VRK2: variants seen among roughly 807,000 people sequenced by gnomAD.
VRK2 encodes serine/threonine-protein kinase VRK2.
Under a neutral mutation model 57.6 loss-of-function variants are expected in VRK2, and 60 were observed. That is an observed-to-expected ratio of 1.04 (90% CI 0.85 to 1.29). VRK2 has a LOEUF of 1.29. Ranked by LOEUF, VRK2 falls within the 50% of genes most tolerant of loss-of-function variation. The probability of loss-of-function intolerance (pLI) is 0.00; values close to 1 mark genes in which losing one functional copy is unlikely to be tolerated. For missense variants in VRK2, 705 were observed against 588.1 expected (o/e 1.20, Z -2.06); for synonymous variants, 231 against 199.2 (o/e 1.16, Z -1.35).
intron 7 of VRK2, 76 bp downstream of exon 7, chr2:58,089,799 C>T (rs903035388): frequency 1.0e-6 from 1 of 1,004,862 alleles, no homozygotes; most frequent in African/African-American, 1.6e-5. Flanking sequence ...AACTTCTAAC[C>T]CAGAAGAGTT....
intron 1 of VRK2, among the ~76,000 whole-genome samples, chr2:57,949,070 T>TG (rs2103972574): frequency 3.4e-5 from 1 of 29,366 alleles, no homozygotes; most frequent in African/African-American, 4.4e-4. Flanking sequence ...GGAGTGGTGG[T>TG]GGGGGACAGG....
chr2:57,934,426 C>A (rs143541152), intron 1 of VRK2, among the ~76,000 whole-genome samples: 15 of 152,294 alleles, frequency 9.8e-5, no homozygotes, highest in African/African-American at 3.1e-4. Context: ...TCTCTCCTCA[C>A]CTGTGACAAA....
chr2:58,131,828 G>A lies in VRK2; in HGVS notation c.697G>A (p.Val233Ile), dbSNP rs144319023. 4.3e-5 allele frequency: 70 copies of A among 1,613,310 alleles called. No homozygotes were observed. The African/African-American group carries it at 6.0e-4, about 14-fold the overall frequency. ...TATAGCCTTGTCCAGACGAAGTGACGTTGAGATCCTCGGCTACTGCATGCT... is the reference window on the plus strand; with the variant it reads ...TATAGCCTTGTCCAGACGAAGTGACATTGAGATCCTCGGCTACTGCATGCT... The part of the protein sequence containing the change: ...KGVALSRRSD[V>I]EILGYCMLRW... Residue 233 changes from valine to isoleucine, a missense_variant, in exon 9 of 13, where the codon GTT becomes ATT. Val to Ile is a conservative substitution (Grantham distance 29). Coordinates refer to ENST00000340157, the MANE Select transcript of VRK2 (RefSeq NM_006296.7).
At chr2:58,102,041 T>C (rs1573106742) in intron 7 of VRK2, among the ~76,000 whole-genome samples, 1 of 151,702 alleles carries the variant, frequency 6.6e-6, no homozygotes, top group Non-Finnish European at 1.5e-5. Flanking sequence ...CTAAGTCATT[T>C]GTAGATTTCT....
chr2:57,946,304 G>C (rs1671258680), intron 1 of VRK2, among the ~76,000 whole-genome samples: 1 of 151,714 alleles, frequency 6.6e-6, no homozygotes, highest in Non-Finnish European at 1.5e-5. Flanking sequence ...GAACAACTCA[G>C]GACAACTGTC....
At chr2:58,055,370 T>C (rs1676365576) in intron 2 of VRK2, among the ~76,000 whole-genome samples, 2 of 152,210 alleles carry the variant, frequency 1.3e-5, no homozygotes, top group South Asian at 4.1e-4. Flanking sequence ...CTTTTTGTGC[T>C]TAAGGTTAAA....
At chr2:57,959,738 T>C (rs1333864883) in intron 1 of VRK2, among the ~76,000 whole-genome samples, 1 of 152,196 alleles carries the variant, frequency 6.6e-6, no homozygotes, top group African/African-American at 2.4e-5. Flanking sequence ...GGCAGGTCCC[T>C]ACCAGGCCTT....
intron 7 of VRK2, among the ~76,000 whole-genome samples, chr2:58,120,691 G>C (rs974001066): frequency 6.6e-6 from 1 of 152,086 alleles, no homozygotes; most frequent in African/African-American, 2.4e-5. Flanking sequence ...AAGAATACTT[G>C]AAATTAAAAA....
At chr2:57,971,982 T>C (rs1672111069) in intron 1 of VRK2, among the ~76,000 whole-genome samples, 1 of 151,942 alleles carries the variant, frequency 6.6e-6, no homozygotes, top group African/African-American at 2.4e-5. Flanking sequence ...CTAATTACAT[T>C]GAATTGTCTT....
At chr2:58,136,003 ACTTCTG>A (rs543456309) in intron 10 of VRK2, among the ~76,000 whole-genome samples, 122 of 152,272 alleles carry the variant, frequency 8.0e-4, no homozygotes, top group Middle Eastern at 6.8e-3. Flanking sequence ...CTTTGAGCTG[ACTTCTG>A]AAAGTAGATA....
chr2:58,069,615 T>G (rs996646229), intron 2 of VRK2, among the ~76,000 whole-genome samples: 2 of 152,168 alleles, frequency 1.3e-5, no homozygotes, highest in African/African-American at 4.8e-5. Flanking sequence ...CTCATTTGAT[T>G]GGAGAGGAAA....
At chr2:58,107,874 G>A (rs1329190029) in intron 7 of VRK2, among the ~76,000 whole-genome samples, 3 of 152,016 alleles carry the variant, frequency 2.0e-5, no homozygotes, top group Non-Finnish European at 2.9e-5. Flanking sequence ...TTATATCAAC[G>A]TCGTATCAAG....
At chr2:58,139,944 T>G (rs1454260862) in intron 11 of VRK2, 112 bp downstream of exon 11, 6 of 1,160,208 alleles carry the variant, frequency 5.2e-6, no homozygotes, top group Non-Finnish European at 7.1e-6. Flanking sequence ...TTCCTTATAT[T>G]TAACTCCCAT....
At chr2:58,097,714 C>G (rs574049182) in intron 7 of VRK2, among the ~76,000 whole-genome samples, 2 of 152,088 alleles carry the variant, frequency 1.3e-5, no homozygotes, top group African/African-American at 4.8e-5. Flanking sequence ...CAACACATTA[C>G]TCATGTGTTT....
rs1344632310 is a variant in VRK2 at position 57,948,474 on chromosome 2, G to A, written c.-439+40635G>A. Among the ~76,000 whole-genome samples, 5 of 152,100 alleles carry A rather than the reference G, an allele frequency of 3.3e-5. No homozygotes were observed. The East Asian group carries it at 9.6e-4, about 29-fold the overall frequency. On this transcript the variant is annotated intron_variant, in intron 1 of 15. Transcript: ENST00000417641. ...TTTTTAGCTGTATCCAGTTCTGCAG[G>A]CATGTATATTTAGTTCCTGATAATA...
Position 58,159,407 on chromosome 2 carries a change from AC to A in VRK2, c.1242del (p.Asn414LysfsTer51). 1 of 1,613,564 alleles carries A rather than the reference AC, an allele frequency of 6.2e-7. No individual in the cohort carries two copies. The highest frequency in any genetic ancestry group is 8.5e-7 in the Non-Finnish European group (1 of 1,179,706). On this transcript the variant is annotated frameshift_variant, in exon 13 of 13. Coordinates refer to ENST00000340157, the MANE Select transcript of VRK2 (RefSeq NM_006296.7). LOFTEE classifies it low-confidence loss of function (END_TRUNC). ...TCTCAAGAACCTTTGAATGAAGTAAACAGTTTCCCACAAAAAATCAGCTATA... is the reference window on the plus strand; with the variant it reads ...TCTCAAGAACCTTTGAATGAAGTAAAAGTTTCCCACAAAAAATCAGCTATA... ...QESQEPLNEV[N>X]SFPQKISYTQ...
At chr2:57,936,066 C>T (rs1425260996) in intron 1 of VRK2, among the ~76,000 whole-genome samples, 3 of 152,106 alleles carry the variant, frequency 2.0e-5, no homozygotes, top group African/African-American at 7.2e-5. Flanking sequence ...GCTTATGTAG[C>T]TCCCATCATC....
At chr2:58,007,723 A>G (rs571917130) in intron 1 of VRK2, among the ~76,000 whole-genome samples, 1 of 152,260 alleles carries the variant, frequency 6.6e-6, no homozygotes. Flanking sequence ...CAGATTTTCT[A>G]CTGTGCAGGG....
At chr2:58,077,488 CA>C (rs1181582604) in intron 2 of VRK2, among the ~76,000 whole-genome samples, 1 of 151,888 alleles carries the variant, frequency 6.6e-6, no homozygotes, top group Non-Finnish European at 1.5e-5. Flanking sequence ...GACTAGGCTG[CA>C]AAGAACCTAT....
Sources: allele counts gnomAD v4.1 joint callset (sites outside exome capture counted in the v4.1 genomes callset), GRCh38; gene constraint gnomAD v4.1.1; transcripts MANE v1.5; gene names NCBI Gene and HGNC (gene_info 2026-07-23, HGNC 2026-07-21).